The following ANXA3 variants were observed in gnomAD, a reference collection of about 807,000 sequenced individuals.
ANXA3 encodes 35-alpha calcimedin.
In ANXA3, 46 loss-of-function variants were observed where a neutral mutation model predicts 48.8. The observed-to-expected ratio is 0.94, with a 90% confidence interval of 0.74 to 1.21. The LOEUF is 1.21. Among genes scored for constraint, ANXA3 ranks in the 50% most tolerant of loss-of-function variants. The pLI is 0.00. For synonymous variants in ANXA3, 128 were observed against 134.7 expected (o/e 0.95, Z 0.35); for missense variants, 383 against 378.6 (o/e 1.01, Z -0.10).
intron 2 of ANXA3, among the ~76,000 whole-genome samples, chr4:78,559,274 G>A (rs1370149161): frequency 6.6e-6 from 1 of 152,000 alleles, no homozygotes; most frequent in Non-Finnish European, 1.5e-5. Context: ...ATAGAGATGG[G>A]AATTCACTGT....
chr4:78,582,430 G>A (rs868803141), intron 5 of ANXA3, 140 bp downstream of exon 5: 2 of 578,646 alleles, frequency 3.5e-6, no homozygotes, highest in Non-Finnish European at 6.3e-6. Flanking sequence ...GAATGACTCT[G>A]AAATAGGCAA....
At chr4:78,559,956 C>T (rs1023149726) in intron 2 of ANXA3, among the ~76,000 whole-genome samples, 5 of 152,086 alleles carry the variant, frequency 3.3e-5, no homozygotes, top group Admixed American at 6.6e-5. Flanking sequence ...CAAATAATAT[C>T]GCTGCAACTG....
intron 2 of ANXA3, among the ~76,000 whole-genome samples, chr4:78,564,211 C>A (rs1300240291): frequency 1.3e-5 from 2 of 152,288 alleles, no homozygotes; most frequent in East Asian, 1.9e-4. Flanking sequence ...AAACCCTGAG[C>A]GCTTGGAGAG....
At chr4:78,558,116 G>A (rs533659216) in intron 2 of ANXA3, among the ~76,000 whole-genome samples, 1 of 152,344 alleles carries the variant, frequency 6.6e-6, no homozygotes, top group African/African-American at 2.4e-5. Flanking sequence ...AGCCCAGTAT[G>A]TTAAGTGAAA....
chr4:78,556,783 C>G (rs543823920), intron 2 of ANXA3, among the ~76,000 whole-genome samples: 40 of 152,218 alleles, frequency 2.6e-4, no homozygotes, highest in African/African-American at 8.2e-4. Flanking sequence ...AAAAGTCGCC[C>G]TCTGGCCCTC....
chr4:78,609,444 T>C (rs1723712516), intron 12 of ANXA3, among the ~76,000 whole-genome samples: 1 of 152,236 alleles, frequency 6.6e-6, no homozygotes, highest in African/African-American at 2.4e-5. Context: ...CTATTTTTGG[T>C]TGGCCTTGGG....
At chr4:78,554,249 T>TG (rs1234833316) in intron 1 of ANXA3, among the ~76,000 whole-genome samples, 187 bp from the exon 2 acceptor site, 7 of 152,198 alleles carry the variant, frequency 4.6e-5, no homozygotes, top group African/African-American at 1.7e-4. Flanking sequence ...CCCTTGCATA[T>TG]GGTAGATGCT....
At position 78,595,796 on chromosome 4, in the gene ANXA3, T is replaced by C; in HGVS notation, c.543T>C (p.Ile181=). Residue 181 remains isoleucine (I), a splice_region_variant and synonymous_variant, in exon 9 of 13, where the codon ATT becomes ATC. Coordinates refer to ENST00000264908, the MANE Select transcript of ANXA3 (RefSeq NM_005139.3). The part of the protein sequence containing the change: ...DEHLAKQDAQ[I]LYKAGENRWG... ...TAATATCATTCTCTTGTGAATAGAT[T>C]CTCTATAAAGCTGGTGAGAACAGAT... 1 of 1,589,094 alleles carries C rather than the reference T, an allele frequency of 6.3e-7. No homozygotes were observed. The highest frequency in any genetic ancestry group is 8.6e-7 in the Non-Finnish European group (1 of 1,158,202).
chr4:78,595,721 A>G (rs938851579), intron 8 of ANXA3, 73 bp from the exon 9 acceptor site: 16 of 960,300 alleles, frequency 1.7e-5, no homozygotes, highest in South Asian at 2.9e-5. Context: ...TCTGAAATAC[A>G]ACTCCGATTC....
In ANXA3 at chr4:78,564,538, A is replaced by T. The variant is rs893249760; in HGVS notation, c.16-8642A>T. On this transcript the variant is annotated intron_variant, in intron 2 of 12. Transcript: ENST00000264908. ...TGGGCTCCCAGCTGGATAAATAGGA[A>T]TGAGTGAAACAAATGTCTCTGCCTT... Among the ~76,000 whole-genome samples, 7 of 152,358 alleles carry T rather than the reference A, an allele frequency of 4.6e-5. No homozygotes were observed. In the East Asian group the frequency reaches 1.3e-3, roughly 29 times the overall value.
chr4:78,604,496 A>C, intron 12 of ANXA3, 97 bp downstream of exon 12: 1 of 1,050,492 alleles, frequency 9.5e-7, no homozygotes, highest in South Asian at 1.9e-5. Flanking sequence ...TTTGACTTAG[A>C]TTTCTCTCTC....
At chr4:78,589,473 C>G (rs954675112) in intron 6 of ANXA3, among the ~76,000 whole-genome samples, 2 of 152,198 alleles carry the variant, frequency 1.3e-5, no homozygotes, top group Admixed American at 6.5e-5. Flanking sequence ...TGTTGTCACT[C>G]TCTCGGCAGC....
chr4:78,568,643 A>G (rs988639740), intron 2 of ANXA3, among the ~76,000 whole-genome samples: 2 of 152,216 alleles, frequency 1.3e-5, no homozygotes, highest in East Asian at 3.8e-4. Flanking sequence ...TTCTGAATGT[A>G]AATGTTTAAC....
intron 2 of ANXA3, among the ~76,000 whole-genome samples, chr4:78,563,473 T>G (rs1285518421): frequency 6.7e-6 from 1 of 149,796 alleles, no homozygotes; most frequent in Non-Finnish European, 1.5e-5. Flanking sequence ...GGGGGGTGAT[T>G]AGGTTAGGTG....
At chr4:78,563,468 G>C (rs961686945) in intron 2 of ANXA3, among the ~76,000 whole-genome samples, 1 of 151,924 alleles carries the variant, frequency 6.6e-6, no homozygotes, top group East Asian at 1.9e-4. Flanking sequence ...TCTCTGGGGG[G>C]TGATTAGGTT....
At chr4:78,593,448 C>A (rs891661905) in intron 7 of ANXA3, among the ~76,000 whole-genome samples, 1 of 151,452 alleles carries the variant, frequency 6.6e-6, no homozygotes, top group African/African-American at 2.4e-5. Context: ...TCAATCCACC[C>A]GCCTCAGCCT....
rs552929144 is a variant in ANXA3, at chr4:78,554,896, C to T, written c.15+408C>T. ...AAATAACTTCCATGTGGATAAAATA[C>T]AGAAATGAAGAAGATGAAATATGAA... On this transcript the variant is annotated intron_variant, in intron 2 of 12. Coordinates refer to ENST00000264908, the MANE Select transcript of ANXA3 (RefSeq NM_005139.3). 2.0e-5 allele frequency among the ~76,000 whole-genome samples: 3 copies of T among 152,158 alleles called. No homozygotes were observed. The South Asian group carries it at 6.2e-4, about 32-fold the overall frequency.
intron 2 of ANXA3, among the ~76,000 whole-genome samples, chr4:78,570,606 G>A (rs1722824016): frequency 6.6e-6 from 1 of 152,188 alleles, no homozygotes; most frequent in Admixed American, 6.5e-5. Context: ...CACCAGGAAT[G>A]GTCTGGAATA....
At chr4:78,581,941 C>G (rs1195816531) in intron 4 of ANXA3, among the ~76,000 whole-genome samples, 3 of 152,204 alleles carry the variant, frequency 2.0e-5, no homozygotes, top group Non-Finnish European at 4.4e-5. Context: ...CTGTGGCACT[C>G]ATGGAATCCT....
Sources: gnomAD v4.1 joint callset for allele counts (sites outside exome capture counted in the v4.1 genomes callset) on GRCh38, gnomAD v4.1.1 for gene constraint, MANE v1.5 for transcripts, NCBI Gene and HGNC (gene_info 2026-07-23, HGNC 2026-07-21) for gene names.